The following ARHGAP21 variants were observed in gnomAD, a reference collection of about 807,000 sequenced individuals.
ARHGAP21 encodes Rho GTPase activating protein 21, also known as rho GTPase-activating protein 21.
ARHGAP21 carries 38 observed loss-of-function variants against 164.6 expected under a neutral mutation model. The observed-to-expected ratio is 0.23, with a 90% confidence interval of 0.18 to 0.30. The LOEUF is 0.30. Among genes scored for constraint, ARHGAP21 ranks in the 10% least tolerant of loss-of-function variants. The pLI is 1.00. For missense variants in ARHGAP21, 1,822 were observed against 2,370.7 expected (o/e 0.77, Z 4.81); for synonymous variants, 766 against 857.9 (o/e 0.89, Z 1.87).
chr10:24,642,313 A>C (rs1224411931), intron 4 of ARHGAP21, among the ~76,000 whole-genome samples: 1 of 151,964 alleles, frequency 6.6e-6, no homozygotes, highest in East Asian at 1.9e-4. Context: ...CAGGAGATCG[A>C]GACCATCCTG....
rs1014138134 is a variant in ARHGAP21 at position 24,619,465 on chromosome 10, G to A, written c.2422+8C>T. On this transcript the variant is annotated splice_region_variant and intron_variant, in intron 9 of 25. Coordinates refer to ENST00000396432, the MANE Select transcript of ARHGAP21 (RefSeq NM_020824.4). ...GGCATATTAGCCAATGACTCTAAATGAGCTCACCTATAAATGGGATGGAAG... is the reference window on the plus strand; with the variant it reads ...GGCATATTAGCCAATGACTCTAAATAAGCTCACCTATAAATGGGATGGAAG... The A allele has an allele frequency of 6.2e-7, 1 of 1,610,186 alleles. No homozygotes were observed. Among genetic ancestry groups the A allele is most frequent in the Non-Finnish European group, 8.5e-7 (1 of 1,178,530 alleles).
chr10:24,642,734 A>T (rs1837202430), intron 4 of ARHGAP21, among the ~76,000 whole-genome samples: 1 of 152,220 alleles, frequency 6.6e-6, no homozygotes, highest in South Asian at 2.1e-4. Flanking sequence ...TTTCACATGT[A>T]AAAATCATAT....
chr10:24,608,925 T>C (rs2077144201), intron 9 of ARHGAP21, among the ~76,000 whole-genome samples: 1 of 152,090 alleles, frequency 6.6e-6, no homozygotes, highest in Non-Finnish European at 1.5e-5. Flanking sequence ...ACTGAAGTTT[T>C]AAAAATTCAA....
chr10:24,722,590 TCA>T lies in ARHGAP21; in HGVS notation c.-380-313_-380-312del, dbSNP rs1846038552. 3.3e-5 allele frequency: 5 copies of T among 152,458 alleles called. No homozygotes were observed. The East Asian group carries it at 5.8e-4, about 18-fold the overall frequency. 9.4% of individuals were successfully genotyped at this position (152,458 alleles called of 1,614,324 possible). A position where few individuals can be genotyped will look rare whatever the true frequency, so the allele number is the denominator to read the frequency against. On this transcript the variant is annotated intron_variant, in intron 1 of 25. Transcript: ENST00000396432. ...AGGGCTGTGCATGTTGTTTTCTGCA[TCA>T]CCCAGACAGGGACACTTCGGTGAAG...
In ARHGAP21 at chr10:24,595,101, A is replaced by G. The variant is rs376880366; in HGVS notation, c.3786+16T>C. 251 of 1,608,302 alleles carry G rather than the reference A, an allele frequency of 1.6e-4. No homozygotes were observed. Among genetic ancestry groups the G allele is most frequent in the Non-Finnish European group, 2.0e-4 (237 of 1,176,140 alleles). Reference sequence around the variant, plus strand: ...GAATTTTAGTTGTATCCCCCAAAATATAAAATAATACCTACTAGTCTTTTT... The same window carrying G: ...GAATTTTAGTTGTATCCCCCAAAATGTAAAATAATACCTACTAGTCTTTTT... On this transcript the variant is annotated intron_variant, in intron 20 of 25. Coordinates refer to ENST00000396432, the MANE Select transcript of ARHGAP21 (RefSeq NM_020824.4).
At chr10:24,682,207 T>C (rs1243929263) in intron 2 of ARHGAP21, among the ~76,000 whole-genome samples, 1 of 151,790 alleles carries the variant, frequency 6.6e-6, no homozygotes, top group Non-Finnish European at 1.5e-5. Context: ...GAAAACAGTA[T>C]ATAAAATATT....
At chr10:24,608,339 G>GT (rs1385264526) in intron 9 of ARHGAP21, among the ~76,000 whole-genome samples, 33 of 152,114 alleles carry the variant, frequency 2.2e-4, no homozygotes, top group African/African-American at 7.5e-4. Context: ...TCCTAAAACC[G>GT]TATCCCCGCC....
chr10:24,635,374 G>T (rs1022997384), intron 4 of ARHGAP21, among the ~76,000 whole-genome samples: 1 of 152,080 alleles, frequency 6.6e-6, no homozygotes, highest in Non-Finnish European at 1.5e-5. Flanking sequence ...ACTAAATACT[G>T]TATCTCAGAG....
At chr10:24,695,764 C>T (rs1457507328) in intron 2 of ARHGAP21, among the ~76,000 whole-genome samples, 1 of 152,086 alleles carries the variant, frequency 6.6e-6, no homozygotes, top group African/African-American at 2.4e-5. Flanking sequence ...AGGACAGCCT[C>T]AGCCAACAGC....
intron 2 of ARHGAP21, among the ~76,000 whole-genome samples, chr10:24,704,623 G>A (rs948335348): frequency 6.6e-6 from 1 of 151,766 alleles, no homozygotes. Context: ...ATGCCACCAC[G>A]CCTGGCTAAT....
At chr10:24,666,856 C>G in intron 4 of ARHGAP21, 129 bp downstream of exon 4, 1 of 587,616 alleles carries the variant, frequency 1.7e-6, no homozygotes. Context: ...AATTCTATGA[C>G]TCTCACACCT....
chr10:24,686,490 TAAC>T (rs1227850949), intron 2 of ARHGAP21, among the ~76,000 whole-genome samples: 1 of 152,042 alleles, frequency 6.6e-6, no homozygotes, highest in Non-Finnish European at 1.5e-5. Flanking sequence ...CTATGTTGTC[TAAC>T]AACAACAAAA....
chr10:24,678,634 G>C (rs776286266), intron 2 of ARHGAP21, among the ~76,000 whole-genome samples: 19 of 152,044 alleles, frequency 1.2e-4, no homozygotes, highest in Non-Finnish European at 2.1e-4. Flanking sequence ...CAAGTAGCTG[G>C]GTCTACAGGC....
At chr10:24,644,779 A>C (rs996256110) in intron 4 of ARHGAP21, among the ~76,000 whole-genome samples, 1 of 152,170 alleles carries the variant, frequency 6.6e-6, no homozygotes, top group Non-Finnish European at 1.5e-5. Context: ...CAGCTCTTAG[A>C]GTCCTGTCTT....
At chr10:24,606,094 T>C (rs1170492368) in intron 11 of ARHGAP21, among the ~76,000 whole-genome samples, 1 of 152,132 alleles carries the variant, frequency 6.6e-6, no homozygotes, top group Non-Finnish European at 1.5e-5. Context: ...TAATTCCAGA[T>C]GAGTCAAAGT....
intron 2 of ARHGAP21, among the ~76,000 whole-genome samples, chr10:24,684,281 T>A (rs188010860): frequency 8.6e-5 from 13 of 151,628 alleles, no homozygotes; most frequent in Admixed American, 6.6e-4. Context: ...AATGACACCC[T>A]GACTGAAAAG....
At chr10:24,622,969 C>G (rs1272245111) in intron 7 of ARHGAP21, 10 of 501,218 alleles carry the variant, frequency 2.0e-5, no homozygotes, top group Non-Finnish European at 2.8e-5. Flanking sequence ...TTATCTGATT[C>G]TTGTTTGATG....
intron 14 of ARHGAP21, among the ~76,000 whole-genome samples, chr10:24,598,780 A>G (rs2076690255): frequency 6.6e-6 from 1 of 152,236 alleles, no homozygotes; most frequent in Non-Finnish European, 1.5e-5. Context: ...GAATTTAAAT[A>G]GACTCTTCCA....
chr10:24,696,747 T>C (rs1843209973), intron 2 of ARHGAP21, among the ~76,000 whole-genome samples: 1 of 152,192 alleles, frequency 6.6e-6, no homozygotes, highest in Non-Finnish European at 1.5e-5. Context: ...AGAAGGGATC[T>C]GAAGGCTCAG....
Sources: allele counts gnomAD v4.1 joint callset (sites outside exome capture counted in the v4.1 genomes callset), GRCh38; gene constraint gnomAD v4.1.1; transcripts MANE v1.5; gene names NCBI Gene and HGNC (gene_info 2026-07-23, HGNC 2026-07-21).